The following ERC2 variants were observed in gnomAD, a reference collection of about 807,000 sequenced individuals.
ERC2 encodes ELKS/RAB6-interacting/CAST family member 2.
A neutral mutation model predicts 114.8 loss-of-function variants in ERC2; 42 were observed. That is an observed-to-expected ratio of 0.37 (90% CI 0.29 to 0.47). The LOEUF (loss-of-function observed/expected upper bound fraction) is 0.47, where lower values mean the gene tolerates loss of function less well. Among genes scored for constraint, ERC2 ranks in the 20% least tolerant of loss-of-function variants. The pLI is 0.99. For missense variants in ERC2, 939 were observed against 1,150.7 expected, an observed-to-expected ratio of 0.82 and a Z score of 2.66; for synonymous variants, 454 against 425.5, an observed-to-expected ratio of 1.07 and a Z score of -0.82.
chr3:55,667,309 C>T (rs953730843), intron 17 of ERC2, among the ~76,000 whole-genome samples: 3 of 152,132 alleles, frequency 2.0e-5, no homozygotes, highest in Non-Finnish European at 2.9e-5. Context: ...CCATGTAAAC[C>T]GTCTAGCACA....
chr3:56,266,275 C>T (rs1189368681), intron 3 of ERC2, among the ~76,000 whole-genome samples: 2 of 150,674 alleles, frequency 1.3e-5, no homozygotes, highest in South Asian at 2.1e-4. Flanking sequence ...GGACTACAGG[C>T]GCCCACCACC....
At chr3:56,086,604 A>T (rs1243172667) in intron 6 of ERC2, among the ~76,000 whole-genome samples, 1 of 151,968 alleles carries the variant, frequency 6.6e-6, no homozygotes, top group Non-Finnish European at 1.5e-5. Flanking sequence ...ACCAAATATG[A>T]ACTTCCACAT....
rs1334043940 is a variant in ERC2 at position 56,286,048 on chromosome 3, C to T, written c.1074+9971G>A. Reference sequence around the variant, plus strand: ...ACACCACTCCTAAAAGAGGTGCAGACTTTCGTGATAACTGACAATACCCAA... The same window carrying T: ...ACACCACTCCTAAAAGAGGTGCAGATTTTCGTGATAACTGACAATACCCAA... On this transcript the variant is annotated intron_variant, in intron 3 of 17. Coordinates refer to ENST00000288221, the MANE Select transcript of ERC2 (RefSeq NM_015576.3). 2.6e-5 allele frequency among the ~76,000 whole-genome samples: 4 copies of T among 152,236 alleles called. No homozygotes were observed. In the East Asian group the frequency reaches 7.7e-4, roughly 29 times the overall value.
At chr3:56,083,026 G>A (rs2077317014) in intron 6 of ERC2, among the ~76,000 whole-genome samples, 1 of 152,114 alleles carries the variant, frequency 6.6e-6, no homozygotes, top group African/African-American at 2.4e-5. Flanking sequence ...CCACAAAACT[G>A]GTCGCTGGTG....
At chr3:56,326,656 G>A (rs11710376) in intron 2 of ERC2, among the ~76,000 whole-genome samples, 33,297 of 152,032 alleles carry the variant, frequency 0.22, 4,295 homozygotes, top group Non-Finnish European at 0.28. Context: ...TGCTGCCTTT[G>A]GCCATTTCTG....
intron 2 of ERC2, among the ~76,000 whole-genome samples, chr3:56,316,426 T>C (rs569174168): frequency 2.0e-5 from 3 of 152,214 alleles, no homozygotes; most frequent in Non-Finnish European, 4.4e-5. Context: ...GCTGTTATTA[T>C]GAGTTACTGA....
At chr3:55,836,323 TG>T (rs2060882449) in intron 14 of ERC2, among the ~76,000 whole-genome samples, 1 of 152,246 alleles carries the variant, frequency 6.6e-6, no homozygotes, top group South Asian at 2.1e-4. Context: ...AGAACAAAGC[TG>T]GAGGCATCAC....
intron 8 of ERC2, among the ~76,000 whole-genome samples, chr3:56,016,126 A>T (rs1458529935): frequency 6.6e-6 from 1 of 152,148 alleles, no homozygotes; most frequent in African/African-American, 2.4e-5. Context: ...AGATGGATAG[A>T]TTGCAAAAAT....
intron 15 of ERC2, among the ~76,000 whole-genome samples, chr3:55,726,664 A>T (rs749893872): frequency 2.0e-5 from 3 of 152,256 alleles, no homozygotes; most frequent in South Asian, 4.1e-4. Context: ...AACACAGGGC[A>T]GAGAGGCTCT....
intron 17 of ERC2, among the ~76,000 whole-genome samples, chr3:55,514,874 G>C (rs972594206): frequency 1.3e-5 from 2 of 152,176 alleles, no homozygotes; most frequent in African/African-American, 4.8e-5. Flanking sequence ...ATAAATGGGT[G>C]CTATTTTCAC....
At chr3:56,249,411 C>T (rs1406050914) in intron 3 of ERC2, among the ~76,000 whole-genome samples, 3 of 151,904 alleles carry the variant, frequency 2.0e-5, no homozygotes, top group Admixed American at 6.6e-5. Flanking sequence ...CTGCAAGCTC[C>T]GCCTCCCGGG....
chr3:55,762,272 C>T (rs962182723), intron 14 of ERC2, among the ~76,000 whole-genome samples: 2 of 152,124 alleles, frequency 1.3e-5, no homozygotes, highest in African/African-American at 2.4e-5. Flanking sequence ...CTATTCTAAA[C>T]ATTTGAAGGG....
intron 6 of ERC2, among the ~76,000 whole-genome samples, chr3:56,081,985 T>A (rs1416886108): frequency 1.3e-5 from 2 of 152,194 alleles, no homozygotes; most frequent in East Asian, 3.8e-4. Context: ...TTATCGACAA[T>A]GACAGACTAT....
intron 2 of ERC2, among the ~76,000 whole-genome samples, chr3:56,297,099 C>T (rs1053382830): frequency 6.6e-6 from 1 of 151,600 alleles, no homozygotes; most frequent in African/African-American, 2.4e-5. Context: ...CTTCTGGCAT[C>T]CAGTAACTGA....
chr3:56,010,266 C>G (rs1156276043), intron 9 of ERC2, among the ~76,000 whole-genome samples, 183 bp downstream of exon 9: 1 of 150,068 alleles, frequency 6.7e-6, no homozygotes, highest in Non-Finnish European at 1.5e-5. Context: ...TAGGGCATCA[C>G]AGATGAAGGA....
rs371369915 is a variant in ERC2 at position 55,810,823 on chromosome 3, T to C, written c.2565-75905A>G. Reference sequence around the variant, plus strand: ...GATACCTTAATGGGTATATTGTTGTTGAACAAATAAGAGATGTCTCTCCTT... The same window carrying C: ...GATACCTTAATGGGTATATTGTTGTCGAACAAATAAGAGATGTCTCTCCTT... On this transcript the variant is annotated intron_variant, in intron 14 of 17. Transcript: ENST00000288221. Among the ~76,000 whole-genome samples, 12 of 152,294 alleles carry C rather than the reference T, an allele frequency of 7.9e-5. 1 individual carries two copies. Among genetic ancestry groups the C allele is most frequent in the South Asian group, 4.1e-4 (2 of 4,832 alleles).
chr3:55,833,376 A>T (rs1404183018), intron 14 of ERC2, among the ~76,000 whole-genome samples: 3 of 151,260 alleles, frequency 2.0e-5, no homozygotes, highest in Admixed American at 6.6e-5. Flanking sequence ...CGGGTTACCC[A>T]CAAAGGGAAT....
intron 15 of ERC2, among the ~76,000 whole-genome samples, chr3:55,709,527 G>A (rs1434985184): frequency 2.0e-5 from 3 of 152,172 alleles, no homozygotes; most frequent in Non-Finnish European, 1.5e-5. Context: ...AAGCAGAGGA[G>A]ACTAGAAACT....
At chr3:56,341,730 C>T (rs1384176073) in intron 2 of ERC2, among the ~76,000 whole-genome samples, 3 of 152,190 alleles carry the variant, frequency 2.0e-5, no homozygotes, top group Non-Finnish European at 2.9e-5. Flanking sequence ...CATTCAGCCT[C>T]CAGAACATTG....
Sources: allele counts gnomAD v4.1 joint callset (sites outside exome capture counted in the v4.1 genomes callset), GRCh38; gene constraint gnomAD v4.1.1; transcripts MANE v1.5; gene names NCBI Gene and HGNC (gene_info 2026-07-23, HGNC 2026-07-21).